The following SAMD12 variants were observed in gnomAD, a reference collection of about 807,000 sequenced individuals.
SAMD12 encodes the protein sterile alpha motif domain-containing protein 12.
In SAMD12, 9 loss-of-function variants were observed where a neutral mutation model predicts 15.0. The ratio of observed to expected loss-of-function variants is 0.60; its 90% CI spans 0.36 to 1.05. SAMD12 has a LOEUF of 1.05. Ranked by LOEUF, SAMD12 falls within the 50% of genes least tolerant of loss-of-function variation. The pLI, the probability that SAMD12 is intolerant of heterozygous loss-of-function variation, is 0.01. For missense variants in SAMD12, 230 were observed against 234.2 expected (o/e 0.98, Z 0.12); for synonymous variants, 86 against 90.1 (o/e 0.96, Z 0.25).
intron 3 of SAMD12, among the ~76,000 whole-genome samples, chr8:118,406,929 TTTTC>T (rs1440426680): frequency 6.6e-6 from 1 of 151,720 alleles, no homozygotes; most frequent in Non-Finnish European, 1.5e-5. Context: ...TGTCTCCACA[TTTTC>T]TTTATTTAGT....
chr8:118,256,324 G>A (rs1036543251), intron 4 of SAMD12, among the ~76,000 whole-genome samples: 1 of 152,060 alleles, frequency 6.6e-6, no homozygotes, highest in African/African-American at 2.4e-5. Context: ...AAATACATGT[G>A]GTTAGCCTAC....
intron 2 of SAMD12, among the ~76,000 whole-genome samples, chr8:118,555,726 T>G (rs1475931046): frequency 1.2e-4 from 19 of 152,230 alleles, no homozygotes; most frequent in Non-Finnish European, 4.4e-5. Flanking sequence ...GCCAATGAAT[T>G]GCAGACCAGC....
intron 2 of SAMD12, among the ~76,000 whole-genome samples, chr8:118,492,283 AT>A (rs1349818025): frequency 6.6e-6 from 1 of 152,024 alleles, no homozygotes; most frequent in East Asian, 1.9e-4. Flanking sequence ...GTCCATTCGA[AT>A]CTTTGCCAAT....
chr8:118,238,146 A>G (rs1201783547), intron 4 of SAMD12, among the ~76,000 whole-genome samples: 2 of 152,094 alleles, frequency 1.3e-5, no homozygotes, highest in Non-Finnish European at 2.9e-5. Context: ...CTGTTTCCTC[A>G]TCTATAAAAT....
chr8:118,199,769 A>G (rs7001150), intron 4 of SAMD12, among the ~76,000 whole-genome samples: 8,409 of 152,260 alleles, frequency 0.055, 599 homozygotes, highest in African/African-American at 0.16. Flanking sequence ...TTCCCTTATC[A>G]TTGCCCAATC....
chr8:118,527,252 T>C (rs115713868), intron 2 of SAMD12, among the ~76,000 whole-genome samples: 388 of 152,300 alleles, frequency 2.5e-3, no homozygotes, highest in African/African-American at 9.0e-3. Flanking sequence ...AAGCTTTCTT[T>C]CAAAATGCAA....
At chr8:118,511,685 G>A (rs569342878) in intron 2 of SAMD12, among the ~76,000 whole-genome samples, 16 of 152,132 alleles carry the variant, frequency 1.1e-4, no homozygotes, top group East Asian at 3.9e-4. Context: ...TCAACACTAC[G>A]CAACACAAAA....
At chr8:118,582,968 C>T (rs965668818) in intron 1 of SAMD12, among the ~76,000 whole-genome samples, 8 of 151,898 alleles carry the variant, frequency 5.3e-5, no homozygotes, top group Admixed American at 1.3e-4. Context: ...ACCTGGGTCC[C>T]TTTGTAGCAT....
At chr8:118,540,792 T>C (rs1355007674) in intron 2 of SAMD12, among the ~76,000 whole-genome samples, 1 of 152,148 alleles carries the variant, frequency 6.6e-6, no homozygotes, top group Non-Finnish European at 1.5e-5. Context: ...AGGAGCCAAA[T>C]GATAAGATCA....
chr8:118,334,634 T>C (rs1245413134), intron 4 of SAMD12, among the ~76,000 whole-genome samples: 1 of 152,150 alleles, frequency 6.6e-6, no homozygotes, highest in East Asian at 1.9e-4. Context: ...CTCATTCTGT[T>C]ACCCAGGCTG....
intron 2 of SAMD12, among the ~76,000 whole-genome samples, chr8:118,522,159 CACACACACACACACACACAT>C (rs1292001298): frequency 0.1 from 7,536 of 75,106 alleles, 597 homozygotes; most frequent in African/African-American, 0.41. Flanking sequence ...TTCAGTGAAA[CACACACACACACACACACAT>C]ACACACACAC....
At chr8:118,221,648 T>A (rs545996002) in intron 4 of SAMD12, among the ~76,000 whole-genome samples, 1 of 152,246 alleles carries the variant, frequency 6.6e-6, no homozygotes, top group African/African-American at 2.4e-5. Context: ...AAGAGACAGG[T>A]ATACCAGGCT....
chr8:118,515,675 TTC>T (rs1825222175), intron 2 of SAMD12, among the ~76,000 whole-genome samples: 4 of 152,160 alleles, frequency 2.6e-5, no homozygotes, highest in Non-Finnish European at 2.9e-5. Context: ...CCCAGGTACC[TTC>T]CTCACTGACA....
chr8:118,568,260 T>C (rs1450887267), intron 2 of SAMD12, among the ~76,000 whole-genome samples: 2 of 152,064 alleles, frequency 1.3e-5, no homozygotes, highest in African/African-American at 4.8e-5. Context: ...GGAAAGAAGA[T>C]TCAAGGCAGA....
Position 118,554,398 on chromosome 8 carries a change from T to C in SAMD12, c.192+26317A>G, listed in dbSNP as rs1459593725. ...GTCCTTTGTAGGGACATGGATGAAA[T>C]TGGAAATCATCATTCTCAGTAAACT... On this transcript the variant is annotated intron_variant, in intron 2 of 3. Coordinates refer to ENST00000314727, the MANE Select transcript of SAMD12 (RefSeq NM_207506.3). Among the ~76,000 whole-genome samples the C allele has an allele frequency of 5.9e-5, 9 of 151,906 alleles. 1 individual carries two copies. The highest frequency in any genetic ancestry group is 2.1e-4 in the South Asian group (1 of 4,800).
intron 4 of SAMD12, among the ~76,000 whole-genome samples, chr8:118,370,955 T>TTA (rs1554644122): frequency 2.6e-5 from 4 of 151,626 alleles, no homozygotes; most frequent in Admixed American, 1.3e-4. Flanking sequence ...AAATTTTTTT[T>TTA]AAAAAAGAAA....
At chr8:118,147,576 G>C in the SAMD12 span, among the ~76,000 whole-genome samples, 1 of 151,972 alleles carries the variant, frequency 6.6e-6, no homozygotes, top group Non-Finnish European at 1.5e-5. Context: ...TGGTCAGGCT[G>C]GTCTCAAACT....
intron 4 of SAMD12, among the ~76,000 whole-genome samples, chr8:118,343,254 C>G (rs1817463037): frequency 6.6e-6 from 1 of 152,056 alleles, no homozygotes; most frequent in Non-Finnish European, 1.5e-5. Flanking sequence ...AACCAATTTT[C>G]CAGCCTTGAT....
chr8:118,369,740 CACAAAA>C (rs779441033), intron 4 of SAMD12, among the ~76,000 whole-genome samples: 6 of 151,580 alleles, frequency 4.0e-5, no homozygotes, highest in Non-Finnish European at 5.9e-5. Flanking sequence ...ATAAAAAACC[CACAAAA>C]ACAAAAACAA....
Sources: allele counts gnomAD v4.1 joint callset (sites outside exome capture counted in the v4.1 genomes callset), GRCh38; gene constraint gnomAD v4.1.1; transcripts MANE v1.5; gene names NCBI Gene and HGNC (gene_info 2026-07-23, HGNC 2026-07-21).